The following USP43 variants were observed in gnomAD, a reference collection of about 807,000 sequenced individuals.
USP43 encodes ubiquitin carboxyl-terminal hydrolase 43.
USP43 carries 33 observed loss-of-function variants against 90.7 expected under a neutral mutation model. That is an observed-to-expected ratio of 0.36 (90% CI 0.28 to 0.49). USP43 has a LOEUF of 0.49. USP43 is among the 20% of genes least tolerant of loss of function. The pLI, the probability that USP43 is intolerant of heterozygous loss-of-function variation, is 0.98. For missense variants in USP43, 1,274 were observed against 1,476.4 expected (o/e 0.86, Z 2.25); for synonymous variants, 598 against 615.8 (o/e 0.97, Z 0.43).
chr17:9,664,743 T>C (rs1912901617), intron 2 of USP43, among the ~76,000 whole-genome samples: 1 of 151,430 alleles, frequency 6.6e-6, no homozygotes, highest in South Asian at 2.1e-4. Context: ...GGTCACGCCA[T>C]TCTCCTGCCT....
chr17:9,710,462 C>T (rs1298885563), intron 13 of USP43, among the ~76,000 whole-genome samples: 1 of 145,060 alleles, frequency 6.9e-6, no homozygotes, highest in Non-Finnish European at 1.5e-5. Flanking sequence ...AAAGGCAGGG[C>T]AGTTATAAAG....
chr17:9,718,172 G>A (rs931416771), intron 14 of USP43, among the ~76,000 whole-genome samples: 1 of 152,092 alleles, frequency 6.6e-6, no homozygotes, highest in South Asian at 2.1e-4. Context: ...CTTTTGGGAC[G>A]AGAAATATGC....
intron 8 of USP43, among the ~76,000 whole-genome samples, chr17:9,687,958 C>T (rs147040351): frequency 4.3e-4 from 65 of 152,248 alleles, no homozygotes; most frequent in African/African-American, 1.3e-3. Context: ...TACTGATTAT[C>T]GCAATGGATG....
rs139331819 is a variant in USP43 at position 9,681,720 on chromosome 17, C to G, written c.1106-1103C>G. 4.0e-3 allele frequency among the ~76,000 whole-genome samples: 612 copies of G among 151,596 alleles called. 4 individuals carry two copies. The highest frequency in any genetic ancestry group is 0.017 in the Middle Eastern group (5 of 294). On this transcript the variant is annotated intron_variant, in intron 6 of 14. Transcript: ENST00000285199. ...TGTTGGCCAGGCTGGTCTCGAACTCCTAACCTCAGGTGATCCACCTGCCTC... is the reference window on the plus strand; with the variant it reads ...TGTTGGCCAGGCTGGTCTCGAACTCGTAACCTCAGGTGATCCACCTGCCTC...
chr17:9,683,949 A>C (rs1914445524), intron 7 of USP43, among the ~76,000 whole-genome samples: 1 of 152,132 alleles, frequency 6.6e-6, no homozygotes, highest in Non-Finnish European at 1.5e-5. Context: ...CATCCTGGCT[A>C]ACACGGTGAA....
chr17:9,647,848 C>CAAAAAAAAAAA (rs35223665), intron 1 of USP43, among the ~76,000 whole-genome samples: 5 of 82,066 alleles, frequency 6.1e-5, no homozygotes, highest in African/African-American at 9.2e-5. Context: ...ACTAAAAATC[C>CAAAAAAAAAAA]AAAAAAAAAA....
chr17:9,728,764 AG>A lies in USP43; in HGVS notation c.3149del (p.Gly1050AlafsTer63), dbSNP rs1917419960. Reference protein sequence around the residue: ...PGSPPALRIPEGLARGLGSRL... With the variant: ...PGSPPALRIPXGLARGLGSRL... ...TCACCTCCTGCCCTCAGGATCCCAGAGGGCCTGGCCAGGGGCCTGGGCAGCC... is the reference window on the plus strand; with the variant it reads ...TCACCTCCTGCCCTCAGGATCCCAGAGGCCTGGCCAGGGGCCTGGGCAGCC... On this transcript the variant is annotated frameshift_variant, in exon 15 of 15. Transcript: ENST00000285199. LOFTEE classifies it low-confidence loss of function (END_TRUNC). This position sits in a 1 kb window ranked among gnomAD's most constrained non-coding sequence, Gnocchi z 6.2. 6.2e-7 allele frequency: 1 copy of A among 1,606,620 alleles called. No individual in the cohort carries two copies. The highest frequency in any genetic ancestry group is 8.5e-7 in the Non-Finnish European group (1 of 1,176,422).
intron 2 of USP43, among the ~76,000 whole-genome samples, chr17:9,662,830 T>TTTG (rs1047423489): frequency 2.0e-5 from 3 of 151,822 alleles, no homozygotes; most frequent in African/African-American, 7.3e-5. Context: ...CTTTTTTTTT[T>TTTG]TTTTTGAGGC....
At chr17:9,668,775 G>A (rs936030335) in intron 3 of USP43, among the ~76,000 whole-genome samples, 1 of 152,180 alleles carries the variant, frequency 6.6e-6, no homozygotes, top group Admixed American at 6.6e-5. Context: ...AGGAAACCTA[G>A]ATTTTGTGGT....
At chr17:9,677,467 TGA>T (rs1298894205) in intron 5 of USP43, among the ~76,000 whole-genome samples, 2 of 152,320 alleles carry the variant, frequency 1.3e-5, no homozygotes, top group Admixed American at 1.3e-4. Flanking sequence ...ATGTATAACA[TGA>T]GAGAGAACAT....
intron 2 of USP43, 140 bp downstream of exon 2, chr17:9,656,674 C>A: frequency 9.0e-7 from 1 of 1,108,726 alleles, no homozygotes; most frequent in Non-Finnish European, 1.2e-6. Context: ...ACAGTCTGTT[C>A]CCTGCTTCCT....
rs917263990 is a variant in USP43, at chr17:9,674,406, C to T, written c.741-485C>T. On this transcript the variant is annotated intron_variant, in intron 3 of 14. Transcript: ENST00000285199. This position sits in a 1 kb window ranked among gnomAD's most constrained non-coding sequence, Gnocchi z 4.4. ...ATCACCCCAAAATAAAACCTGGTAC[C>T]CAGTAAGCAGTCAGCCTCATCCTCC... Among the ~76,000 whole-genome samples the T allele has an allele frequency of 6.6e-6, 1 of 152,146 alleles. No homozygotes were observed. Among genetic ancestry groups the T allele is most frequent in the African/African-American group, 2.4e-5 (1 of 41,430 alleles).
At chr17:9,710,946 G>T (rs1916158767) in intron 13 of USP43, among the ~76,000 whole-genome samples, 1 of 151,662 alleles carries the variant, frequency 6.6e-6, no homozygotes, top group Non-Finnish European at 1.5e-5. Context: ...AAATTAAGCA[G>T]ATTTTCTCCT....
rs1181261627 is a variant in USP43 at position 9,692,301 on chromosome 17, G to A, written c.1354-826G>A. ...CTGAACTCAGGAGGCAGAGGTTGTAGTGAGCTGAGATTGTGGCACTGCACT... is the reference window on the plus strand; with the variant it reads ...CTGAACTCAGGAGGCAGAGGTTGTAATGAGCTGAGATTGTGGCACTGCACT... On this transcript the variant is annotated intron_variant, in intron 8 of 14. Transcript: ENST00000285199. Among the ~76,000 whole-genome samples the A allele has an allele frequency of 2.6e-5, 4 of 152,134 alleles. No homozygotes were observed. The East Asian group carries it at 7.7e-4, about 29-fold the overall frequency.
chr17:9,681,296 T>C (rs1914210099), intron 6 of USP43, among the ~76,000 whole-genome samples: 1 of 112,404 alleles, frequency 8.9e-6, no homozygotes, highest in Non-Finnish European at 1.7e-5. Flanking sequence ...ATATGTTATA[T>C]ATAATATAGA....
intron 2 of USP43, among the ~76,000 whole-genome samples, chr17:9,660,950 T>TTC (rs1403349073): frequency 6.6e-6 from 1 of 152,248 alleles, no homozygotes; most frequent in Non-Finnish European, 1.5e-5. Context: ...CTGTTGGGAT[T>TTC]ATCCGGCGTG....
At chr17:9,712,315 C>A (rs888974814) in intron 14 of USP43, among the ~76,000 whole-genome samples, 183 bp downstream of exon 14, 2 of 152,138 alleles carry the variant, frequency 1.3e-5, no homozygotes, top group African/African-American at 4.8e-5. Flanking sequence ...TCTCCCCATC[C>A]TCTACCCTCC....
At chr17:9,672,274 G>A (rs1029962561) in intron 3 of USP43, among the ~76,000 whole-genome samples, 3 of 152,200 alleles carry the variant, frequency 2.0e-5, no homozygotes, top group Non-Finnish European at 4.4e-5. Flanking sequence ...GGAATTACAG[G>A]CGTGAACCAC....
intron 1 of USP43, among the ~76,000 whole-genome samples, chr17:9,648,698 T>A (rs1040605225): frequency 6.6e-6 from 1 of 152,064 alleles, no homozygotes; most frequent in Non-Finnish European, 1.5e-5. Flanking sequence ...GGAACTGGAA[T>A]GCCAACCAGG....
Sources: allele counts gnomAD v4.1 joint callset (sites outside exome capture counted in the v4.1 genomes callset), GRCh38; gene constraint gnomAD v4.1.1; non-coding constraint Gnocchi (gnomAD v3.1); transcripts MANE v1.5; gene names NCBI Gene and HGNC (gene_info 2026-07-23, HGNC 2026-07-21).